KDM6B: variants seen among roughly 807,000 people sequenced by gnomAD.
KDM6B encodes the protein lysine demethylase 6B.
KDM6B carries 22 observed loss-of-function variants against 150.4 expected under a neutral mutation model. The ratio of observed to expected loss-of-function variants is 0.15; its 90% CI spans 0.10 to 0.21. The LOEUF is 0.21. Among genes scored for constraint, KDM6B ranks in the 10% least tolerant of loss-of-function variants. The pLI is 1.00. For missense variants in KDM6B, 1,984 were observed against 2,234.3 expected (o/e 0.89, Z 2.26); for synonymous variants, 1,148 against 921.1 (o/e 1.25, Z -4.46).
intron 7 of KDM6B, 30 bp from the exon 8 acceptor site, chr17:7,846,370 T>TGGGCGGG: frequency 6.0e-6 from 9 of 1,501,948 alleles, no homozygotes; most frequent in South Asian, 1.2e-5. Flanking sequence ...ACCTGACATC[T>TGGGCGGG]GCCCCTGCCC....
chr17:7,854,768 T>G lies in KDM6B; in HGVS notation c.*1247T>G. The G allele has an allele frequency of 2.9e-6, 1 of 344,704 alleles. No individual in the cohort carries two copies. Among genetic ancestry groups the G allele is most frequent in the Non-Finnish European group, 5.4e-6 (1 of 185,126 alleles). The allele number at this position is 344,704 out of a possible 1,614,324, so 21.4% of individuals were successfully genotyped here. A position where few individuals can be genotyped will look rare whatever the true frequency, so the allele number is the denominator to read the frequency against. Reference sequence around the variant, plus strand: ...TTCGGTGATTTTTGTGTGAGAATATTAATATTAAAAATAAACGGAGAAAAA... The same window carrying G: ...TTCGGTGATTTTTGTGTGAGAATATGAATATTAAAAATAAACGGAGAAAAA... On this transcript the variant is annotated 3_prime_UTR_variant, in exon 24 of 24. Transcript: ENST00000448097.
intron 3 of KDM6B, 55 bp from the exon 4 acceptor site, chr17:7,845,259 C>G (rs539124708): frequency 1.8e-6 from 1 of 552,086 alleles, no homozygotes; most frequent in Non-Finnish European, 3.3e-6. Flanking sequence ...ATCCCAGCCC[C>G]TGGGCCTTGA....
In KDM6B at chr17:7,849,592, G is replaced by T; in HGVS notation, c.3304G>T (p.Glu1102Ter). The change falls in exon 12 of 24, where the codon GAG (glutamate) becomes TAG (stop). Residue 1102 changes from glutamate (E) to a stop codon, truncating the protein, a stop_gained. Coordinates refer to ENST00000448097, the MANE Select transcript of KDM6B (RefSeq NM_001348716.2). LOFTEE classifies it high-confidence loss of function. ...CTCACTTAGTGAGGGGCCCCCCAAGGAGCTGAAGATCCGGCTCATCAAGGT... is the reference window on the plus strand; with the variant it reads ...CTCACTTAGTGAGGGGCCCCCCAAGTAGCTGAAGATCCGGCTCATCAAGGT... ...LRSLSEGPPK[E>*]LKIRLIKVES... is the part of the protein sequence containing the mutation. 1 of 1,612,578 alleles carries T rather than the reference G, an allele frequency of 6.2e-7. No individual in the cohort carries two copies.
At chr17:7,837,703 G>A (rs1021803023) in intron 1 of KDM6B, among the ~76,000 whole-genome samples, 24 of 152,140 alleles carry the variant, frequency 1.6e-4, no homozygotes, top group Middle Eastern at 3.4e-3. Context: ...CCGCTGGGAG[G>A]AAAAAAATGA....
chr17:7,849,610 A>T lies in KDM6B; in HGVS notation c.3322A>T (p.Ile1108Phe). Residue 1108 changes from isoleucine (I) to phenylalanine (F), a missense_variant, in exon 12 of 24, where the codon ATC becomes TTC. Coordinates refer to ENST00000448097, the MANE Select transcript of KDM6B (RefSeq NM_001348716.2). ...GPPKELKIRL[I>F]KVESGDKETF... The stretch of plus-strand genomic sequence containing the variant: ...CCCCAAGGAGCTGAAGATCCGGCTC[A>T]TCAAGGTAGAGAGTGGTGACAAGGA... 6.2e-7 allele frequency: 1 copy of T among 1,612,224 alleles called. No individual in the cohort carries two copies. The highest frequency in any genetic ancestry group is 2.2e-5 in the East Asian group (1 of 44,886).
chr17:7,849,296 C>T lies in KDM6B; in HGVS notation c.3008C>T (p.Ala1003Val). ...SVGRRPREGR[A>V]KAKAKVPKEK... ...GGTCGTCGGCCCCGTGAGGGCAGGG[C>T]AAAGGCCAAGGCCAAGGTCCCCAAA... Residue 1003 changes from alanine to valine, a missense_variant, in exon 12 of 24, where the codon GCA becomes GTA. By Grantham distance (64) the Ala-to-Val change is moderately conservative. Around this residue, in one of 13 missense-constraint regions of KDM6B, gnomAD observed 1,379 missense variants for 1,275.6 expected, o/e 1.08. Transcript: ENST00000448097. 6 of 1,557,022 alleles carry T rather than the reference C, an allele frequency of 3.9e-6. No individual in the cohort carries two copies. Among genetic ancestry groups the T allele is most frequent in the East Asian group, 2.4e-5 (1 of 41,260 alleles).
rs773024480 is a variant in KDM6B at position 7,847,209 on chromosome 17, C to T, written c.1014C>T (p.Gly338=). The part of the protein sequence containing the change: ...RLVPAAPPGP[G]PRPPGAESHG... ...TCCCGGCTGCTCCCCCAGGCCCAGG[C>T]CCCCGCCCCCCAGGAGCAGAGAGCC... Residue 338 remains glycine, a synonymous_variant, in exon 11 of 24, where the codon GGC becomes GGT. Coordinates refer to ENST00000448097, the MANE Select transcript of KDM6B (RefSeq NM_001348716.2). 7 of 1,539,122 alleles carry T rather than the reference C, an allele frequency of 4.5e-6. No homozygotes were observed. The highest frequency in any genetic ancestry group is 3.3e-5 in the Admixed American group (2 of 59,848).
chr17:7,851,661 C>T lies in KDM6B; in HGVS notation c.4030C>T (p.Leu1344=), dbSNP rs2151379390. 6.3e-7 allele frequency: 1 copy of T among 1,587,972 alleles called. No homozygotes were observed. The change falls in exon 18 of 24, where the codon CTG becomes TTG. Residue 1344 remains leucine, a synonymous_variant. Transcript: ENST00000448097. ...LSDAKRWKPQ[L]QELLKLPAFM... ...TCCGCACCGCAGGTGGAAGCCCCAG[C>T]TGCAGGAGCTGCTGAAGCTGCCCGC...
chr17:7,849,756 C>T (rs756569590), intron 12 of KDM6B, 28 bp downstream of exon 12: 28 of 1,612,572 alleles, frequency 1.7e-5, no homozygotes, highest in Middle Eastern at 1.6e-4. Flanking sequence ...TTGCTTGTCC[C>T]GGAGACAGGC....
At chr17:7,851,572 A>G in intron 17 of KDM6B, 23 bp downstream of exon 17, 1 of 1,613,080 alleles carries the variant, frequency 6.2e-7, no homozygotes, top group Non-Finnish European at 8.5e-7. Flanking sequence ...GAGGCCAGGG[A>G]AGTTGGGGCA....
chr17:7,842,207 T>C (rs1042959312), intron 2 of KDM6B, among the ~76,000 whole-genome samples: 2 of 144,362 alleles, frequency 1.4e-5, no homozygotes, highest in Non-Finnish European at 3.0e-5. Context: ...TGTTCTCTCT[T>C]GGGGCTCCAG....
In KDM6B at chr17:7,844,580, G is replaced by A. The variant is rs2078491114; in HGVS notation, c.-268-321G>A. 6.6e-6 allele frequency among the ~76,000 whole-genome samples: 1 copy of A among 152,192 alleles called. No individual in the cohort carries two copies. The highest frequency in any genetic ancestry group is 1.5e-5 in the Non-Finnish European group (1 of 68,018). On this transcript the variant is annotated intron_variant, in intron 2 of 23. Transcript: ENST00000448097. This position sits in a 1 kb window ranked among gnomAD's most constrained non-coding sequence, Gnocchi z 5.9. ...TTCTGCATCCGTCTGTCGTCCGTCG[G>A]TCTTACGGTGGCCGGGCGTGGGGCT...
At chr17:7,840,709 G>A (rs1439726769) in intron 2 of KDM6B, 1 of 152,202 alleles carries the variant, frequency 6.6e-6, no homozygotes, top group Non-Finnish European at 1.5e-5. Flanking sequence ...CATTACATAT[G>A]GGGTTTCTCG....
intron 1 of KDM6B, among the ~76,000 whole-genome samples, chr17:7,837,621 G>A (rs1258203578): frequency 2.6e-5 from 4 of 152,152 alleles, no homozygotes; most frequent in Non-Finnish European, 2.9e-5. Flanking sequence ...ACTAGGACTT[G>A]GAGAGGTCAG....
Position 7,848,083 on chromosome 17 carries a change from C to A in KDM6B, c.1795C>A (p.Leu599Ile), listed in dbSNP as rs758243079. The A allele has an allele frequency of 1.2e-6, 2 of 1,612,860 alleles. No individual in the cohort carries two copies. Among genetic ancestry groups the A allele is most frequent in the South Asian group, 2.2e-5 (2 of 91,032 alleles). The change falls in exon 12 of 24, where the codon CTT (leucine) becomes ATT (isoleucine). Residue 599 changes from leucine (L) to isoleucine (I), a missense_variant. This residue lies in a region of KDM6B where 1,379 missense variants were observed against 1,275.6 expected (regional missense o/e 1.08). Coordinates refer to ENST00000448097, the MANE Select transcript of KDM6B (RefSeq NM_001348716.2). ...AGCACAGAACCCCCAGGACCCACCTCTTGTACCCCTGACTCTTGCCCTGCC... is the reference window on the plus strand; with the variant it reads ...AGCACAGAACCCCCAGGACCCACCTATTGTACCCCTGACTCTTGCCCTGCC... ...SPAQNPQDPP[L>I]VPLTLALPPA...
Position 7,853,662 on chromosome 17 carries a change from C to A in KDM6B, c.*141C>A. The A allele has an allele frequency of 1.6e-5, 7 of 436,822 alleles. No homozygotes were observed. The highest frequency in any genetic ancestry group is 2.2e-5 in the Non-Finnish European group (6 of 274,822). 27.1% of individuals were successfully genotyped at this position (436,822 alleles called of 1,614,324 possible). A position where few individuals can be genotyped will look rare whatever the true frequency, so the allele number is the denominator to read the frequency against. On this transcript the variant is annotated 3_prime_UTR_variant, in exon 24 of 24. Coordinates refer to ENST00000448097, the MANE Select transcript of KDM6B (RefSeq NM_001348716.2). ...TCCACCCCATTGGCAGCTCCCCTCA[C>A]TTAATTTATTAAGAAAAACTTTTTT...
rs773630396 is a variant in KDM6B, at chr17:7,848,022, C to T, written c.1734C>T (p.Ala578=). 1 of 1,612,468 alleles carries T rather than the reference C, an allele frequency of 6.2e-7. No homozygotes were observed. Among genetic ancestry groups the T allele is most frequent in the East Asian group, 2.2e-5 (1 of 44,808 alleles). ...CCTTTCCCCCACCACCCTATCTGGC[C>T]AGAAGTATAGACCCCCTTCCCCGGC... is the stretch of plus-strand genomic sequence containing the variant. ...PVSFPPPPYL[A]RSIDPLPRPP... The change falls in exon 12 of 24, where the codon GCC becomes GCT. Residue 578 remains alanine, a synonymous_variant. Transcript: ENST00000448097.
Position 7,848,889 on chromosome 17 carries a change from G to A in KDM6B, c.2601G>A (p.Ser867=), listed in dbSNP as rs771270135. The A allele has an allele frequency of 6.8e-6, 11 of 1,607,386 alleles. No individual in the cohort carries two copies. The highest frequency in any genetic ancestry group is 2.2e-5 in the East Asian group (1 of 44,690). ...AQGSPQPSAS[S]SSQFSTSGGP... is the part of the protein sequence containing the mutation. ...GCTCCCCACAGCCCTCTGCTTCCTC[G>A]TCATCTCAGTTCTCTACCTCAGGCG... Residue 867 remains serine (S), a synonymous_variant, in exon 12 of 24, where the codon TCG becomes TCA. Coordinates refer to ENST00000448097, the MANE Select transcript of KDM6B (RefSeq NM_001348716.2).
intron 21 of KDM6B, 130 bp downstream of exon 21, chr17:7,852,766 G>C: frequency 7.1e-7 from 1 of 1,401,934 alleles, no homozygotes; most frequent in Non-Finnish European, 1.0e-6. Flanking sequence ...TTACTGTGTT[G>C]GGGAGGCTAA....
Sources: gnomAD v4.1 joint callset for allele counts (sites outside exome capture counted in the v4.1 genomes callset) on GRCh38, gnomAD v4.1.1 for gene constraint, gnomAD v4.1.1 regional missense constraint, Gnocchi (gnomAD v3.1) non-coding constraint, MANE v1.5 for transcripts, NCBI Gene and HGNC (gene_info 2026-07-23, HGNC 2026-07-21) for gene names.